AMBRA1: variants seen among roughly 807,000 people sequenced by gnomAD.
The protein encoded by AMBRA1 is activating molecule in BECN1-regulated autophagy protein 1.
AMBRA1 carries 47 observed loss-of-function variants against 125.4 expected under a neutral mutation model. That is an observed-to-expected ratio of 0.37 (90% CI 0.30 to 0.48). The LOEUF (loss-of-function observed/expected upper bound fraction) is 0.48, where lower values mean the gene tolerates loss of function less well. Ranked by LOEUF, AMBRA1 falls within the 20% of genes least tolerant of loss-of-function variation. The pLI is 0.99. For synonymous variants in AMBRA1, 626 were observed against 655.5 expected, an observed-to-expected ratio of 0.95 and a Z score of 0.69; for missense variants, 1,331 against 1,693.4, an observed-to-expected ratio of 0.79 and a Z score of 3.76.
At chr11:46,511,834 T>C (rs1277205493) in intron 8 of AMBRA1, among the ~76,000 whole-genome samples, 1 of 152,216 alleles carries the variant, frequency 6.6e-6, no homozygotes, top group Non-Finnish European at 1.5e-5. Flanking sequence ...TTTTGTTTTT[T>C]ATCTCTTTAG....
intron 11 of AMBRA1, among the ~76,000 whole-genome samples, chr11:46,468,357 T>C (rs959716684): frequency 4.6e-5 from 7 of 151,108 alleles, no homozygotes; most frequent in East Asian, 2.0e-4. Flanking sequence ...CTGGGCAATA[T>C]AGTGAGACCT....
chr11:46,399,255 G>C (rs561925317), intron 17 of AMBRA1, among the ~76,000 whole-genome samples: 1 of 151,802 alleles, frequency 6.6e-6, no homozygotes, highest in East Asian at 1.9e-4. Context: ...TGTATTTTTA[G>C]TAGAGACGGG....
intron 12 of AMBRA1, 85 bp downstream of exon 12, chr11:46,443,403 A>C: frequency 9.4e-7 from 1 of 1,061,038 alleles, no homozygotes; most frequent in South Asian, 1.3e-5. Context: ...GATGATGAAA[A>C]ACCCAGTGCT....
At chr11:46,586,594 A>G (rs1272588248) in intron 1 of AMBRA1, among the ~76,000 whole-genome samples, 1 of 152,180 alleles carries the variant, frequency 6.6e-6, no homozygotes, top group African/African-American at 2.4e-5. Flanking sequence ...TCTAAGAATC[A>G]TTATCATGTG....
intron 7 of AMBRA1, among the ~76,000 whole-genome samples, chr11:46,535,977 C>T (rs185459279): frequency 5.1e-4 from 78 of 152,264 alleles, no homozygotes; most frequent in African/African-American, 1.9e-3. Context: ...CACCGGAGCT[C>T]AAGTTTTGGA....
At chr11:46,473,570 A>C (rs1389894489) in intron 11 of AMBRA1, among the ~76,000 whole-genome samples, 1 of 152,264 alleles carries the variant, frequency 6.6e-6, no homozygotes, top group Non-Finnish European at 1.5e-5. Flanking sequence ...AGAATCAGAA[A>C]AAATCCAGGA....
chr11:46,478,798 G>A (rs1461309097), intron 11 of AMBRA1, among the ~76,000 whole-genome samples: 5 of 151,684 alleles, frequency 3.3e-5, no homozygotes, highest in African/African-American at 1.2e-4. Context: ...GGGATTACAG[G>A]CATGCACCAC....
intron 17 of AMBRA1, among the ~76,000 whole-genome samples, chr11:46,399,798 A>C (rs932911164): frequency 1.3e-5 from 2 of 152,148 alleles, no homozygotes; most frequent in Admixed American, 6.5e-5. Flanking sequence ...TATTTCCCGG[A>C]AAAGAGTCAA....
intron 7 of AMBRA1, among the ~76,000 whole-genome samples, chr11:46,525,750 C>CA (rs111312158): frequency 0.013 from 1,873 of 140,670 alleles, 44 homozygotes; most frequent in African/African-American, 0.044. Flanking sequence ...GACTCCGTCT[C>CA]AAAAAAAAAA....
intron 11 of AMBRA1, among the ~76,000 whole-genome samples, chr11:46,453,699 G>A (rs1217703223): frequency 1.3e-5 from 2 of 152,120 alleles, no homozygotes; most frequent in East Asian, 1.9e-4. Flanking sequence ...ATTAGGGAAC[G>A]TCATTTTCTG....
At chr11:46,445,084 A>C (rs11604750) in intron 11 of AMBRA1, among the ~76,000 whole-genome samples, 2,966 of 151,614 alleles carry the variant, frequency 0.02, 43 homozygotes, top group Non-Finnish European at 0.033. Flanking sequence ...AAAAAAAAAA[A>C]CAAAAAAAAA....
chr11:46,591,924 G>A (rs1473305765), intron 1 of AMBRA1, among the ~76,000 whole-genome samples: 1 of 148,638 alleles, frequency 6.7e-6, no homozygotes, highest in South Asian at 2.1e-4. Flanking sequence ...ATCCAACCCA[G>A]AATGACCTCA....
chr11:46,536,044 A>T (rs1952460623), intron 7 of AMBRA1, among the ~76,000 whole-genome samples: 2 of 152,222 alleles, frequency 1.3e-5, no homozygotes, highest in Non-Finnish European at 2.9e-5. Context: ...TTAACAAGTG[A>T]TTATTGAGCC....
chr11:46,434,750 T>C (rs960637673), intron 13 of AMBRA1, 99 bp downstream of exon 13: 97 of 1,270,232 alleles, frequency 7.6e-5, no homozygotes, highest in Non-Finnish European at 1.0e-4. Flanking sequence ...AGGGGCAGTA[T>C]GTGACCATTA....
At chr11:46,402,152 T>A (rs1269490485) in intron 17 of AMBRA1, among the ~76,000 whole-genome samples, 2 of 152,214 alleles carry the variant, frequency 1.3e-5, no homozygotes. Context: ...AGCTGTGGCA[T>A]CTCTCTTCTG....
At chr11:46,570,303 A>T (rs999260794) in intron 1 of AMBRA1, among the ~76,000 whole-genome samples, 2 of 146,486 alleles carry the variant, frequency 1.4e-5, no homozygotes, top group Non-Finnish European at 3.0e-5. Context: ...GGTCTTCTGC[A>T]GCTACTCTAG....
Position 46,410,283 on chromosome 11 carries a change from G to A in AMBRA1, c.3202C>T (p.Arg1068Trp), listed in dbSNP as rs752010183. ...CCTACTTCCCAAACATACCCAGGCC[G>A]CTCGCTGCTCCTGCTGTTGGAATGG... ...TVHSNSRSSE[R>W]PGTSRATWRT... Residue 1068 changes from arginine to tryptophan, a missense_variant, in exon 16 of 18, where the codon CGG (arginine) becomes TGG (tryptophan). Coordinates refer to ENST00000683756, the MANE Select transcript of AMBRA1 (RefSeq NM_001387011.1). The A allele has an allele frequency of 2.5e-6, 4 of 1,613,664 alleles. No individual in the cohort carries two copies. Among genetic ancestry groups the A allele is most frequent in the East Asian group, 4.5e-5 (2 of 44,884 alleles).
At chr11:46,450,174 T>C (rs1948509935) in intron 11 of AMBRA1, among the ~76,000 whole-genome samples, 1 of 152,200 alleles carries the variant, frequency 6.6e-6, no homozygotes, top group Non-Finnish European at 1.5e-5. Flanking sequence ...ATGTTCTTCA[T>C]TTAAGAGATG....
At chr11:46,424,714 C>A (rs6485682) in intron 14 of AMBRA1, among the ~76,000 whole-genome samples, 112,878 of 152,058 alleles carry the variant, frequency 0.74, 43,895 homozygotes, top group East Asian at 0.94. Flanking sequence ...GTGGCACATA[C>A]CTCTAATCCT....
Sources: gnomAD v4.1 joint callset for allele counts (sites outside exome capture counted in the v4.1 genomes callset) on GRCh38, gnomAD v4.1.1 for gene constraint, MANE v1.5 for transcripts, NCBI Gene and HGNC (gene_info 2026-07-23, HGNC 2026-07-21) for gene names.